FOXO3: variants seen among roughly 807,000 people sequenced by gnomAD.
FOXO3 encodes the protein forkhead box O3.
Under a neutral mutation model 41.9 loss-of-function variants are expected in FOXO3, and 4 were observed. The ratio of observed to expected loss-of-function variants is 0.10; its 90% CI spans 0.05 to 0.22. The LOEUF is 0.22. Ranked by LOEUF, FOXO3 falls within the 10% of genes least tolerant of loss-of-function variation. The pLI is 1.00. For missense variants in FOXO3, 534 were observed against 906.8 expected (o/e 0.59, Z 5.28); for synonymous variants, 318 against 389.3 (o/e 0.82, Z 2.16).
intron 1 of FOXO3, among the ~76,000 whole-genome samples, chr6:108,581,119 C>T (rs906753749): frequency 2.0e-5 from 3 of 152,214 alleles, no homozygotes; most frequent in African/African-American, 7.2e-5. Context: ...TGTTGAACAG[C>T]GACATCGTGC....
intron 1 of FOXO3, among the ~76,000 whole-genome samples, chr6:108,564,362 T>C (rs547094424): frequency 1.8e-4 from 27 of 152,360 alleles, no homozygotes; most frequent in African/African-American, 6.5e-4. Flanking sequence ...TTGTGACCCA[T>C]TTCCAAGTGT....
At chr6:108,581,074 TG>T (rs1182836697) in intron 1 of FOXO3, among the ~76,000 whole-genome samples, 15 of 152,222 alleles carry the variant, frequency 9.9e-5, no homozygotes, top group Non-Finnish European at 1.5e-5. Flanking sequence ...GCCCCTTCTG[TG>T]GAAGTTGAAG....
At chr6:108,618,247 C>G in intron 1 of FOXO3, 1 of 788,728 alleles carries the variant, frequency 1.3e-6, no homozygotes, top group South Asian at 1.3e-5. Flanking sequence ...TATGATTGTT[C>G]TTAGTCTTGA....
chr6:108,673,763 C>T (rs537200504), intron 2 of FOXO3, among the ~76,000 whole-genome samples: 1 of 152,248 alleles, frequency 6.6e-6, no homozygotes, highest in South Asian at 2.1e-4. Flanking sequence ...CCCCGCCCCC[C>T]ACATACACAC....
upstream of FOXO3, chr6:108,560,130 C>G (rs1441142116): frequency 6.6e-6 from 1 of 152,422 alleles, no homozygotes; most frequent in Non-Finnish European, 1.5e-5. Flanking sequence ...GCGCGCCCCC[C>G]TTCTCGCCCG....
At chr6:108,617,629 TTTTG>T (rs1046204992) in intron 1 of FOXO3, among the ~76,000 whole-genome samples, 14 of 152,196 alleles carry the variant, frequency 9.2e-5, no homozygotes, top group Non-Finnish European at 8.8e-5. Context: ...TTTATGGGTT[TTTTG>T]TTTGTTTGTT....
intron 1 of FOXO3, among the ~76,000 whole-genome samples, chr6:108,641,729 A>T (rs928015473): frequency 3.9e-5 from 6 of 152,102 alleles, no homozygotes; most frequent in Non-Finnish European, 7.4e-5. Context: ...CCCTTAAAAT[A>T]TAAGTATATG....
rs554779820 is a variant in FOXO3, at chr6:108,568,219, T to G, written c.621+6390T>G. 2.6e-5 allele frequency among the ~76,000 whole-genome samples: 4 copies of G among 151,258 alleles called. No homozygotes were observed. In the East Asian group the frequency reaches 7.8e-4, roughly 29 times the overall value. ...AGAGTGAGACCCTCTCTCTCTCTTT[T>G]TTTTTTTTTTTTAAAGCGTGTGTTC... On this transcript the variant is annotated intron_variant, in intron 1 of 2. Transcript: ENST00000406360.
chr6:108,569,404 G>T (rs183612349), intron 1 of FOXO3, among the ~76,000 whole-genome samples: 1 of 152,152 alleles, frequency 6.6e-6, no homozygotes, highest in African/African-American at 2.4e-5. Context: ...AAAGAACTAC[G>T]GTAGCTGGCA....
At chr6:108,663,012 A>G (rs1562262697) in intron 1 of FOXO3, among the ~76,000 whole-genome samples, 1 of 152,230 alleles carries the variant, frequency 6.6e-6, no homozygotes, top group Non-Finnish European at 1.5e-5. Flanking sequence ...AAAGAGGGTC[A>G]TGCATATATG....
At chr6:108,622,523 G>GT (rs1172396552) in intron 1 of FOXO3, among the ~76,000 whole-genome samples, 3 of 152,074 alleles carry the variant, frequency 2.0e-5, no homozygotes, top group African/African-American at 4.8e-5. Context: ...TGTTTTTGGT[G>GT]TTTTTTTGTT....
intron 1 of FOXO3, chr6:108,617,926 T>C (rs1777561420): frequency 4.6e-6 from 2 of 437,040 alleles, no homozygotes; most frequent in South Asian, 2.1e-5. Flanking sequence ...GGAACCAAAT[T>C]GCAGTTTTCT....
intron 1 of FOXO3, among the ~76,000 whole-genome samples, chr6:108,580,760 T>G (rs1263135584): frequency 6.6e-6 from 1 of 152,242 alleles, no homozygotes; most frequent in Non-Finnish European, 1.5e-5. Context: ...ATTGTAGATG[T>G]GTTCTACGTA....
At chr6:108,674,163 C>G (rs1211293750) in intron 2 of FOXO3, among the ~76,000 whole-genome samples, 1 of 152,118 alleles carries the variant, frequency 6.6e-6, no homozygotes, top group African/African-American at 2.4e-5. Context: ...AGGTCATATC[C>G]CACCAGGCAG....
chr6:108,665,482 T>C (rs1779023568), intron 2 of FOXO3, among the ~76,000 whole-genome samples: 1 of 152,222 alleles, frequency 6.6e-6, no homozygotes, highest in Non-Finnish European at 1.5e-5. Flanking sequence ...ATTCTTTATC[T>C]TAGTACTAAG....
At chr6:108,622,760 C>T (rs1273341013) in intron 1 of FOXO3, among the ~76,000 whole-genome samples, 1 of 151,924 alleles carries the variant, frequency 6.6e-6, no homozygotes, top group African/African-American at 2.4e-5. Context: ...AGTTGTCTTC[C>T]TCATTTACTC....
At chr6:108,674,247 G>A (rs1213521612) in intron 2 of FOXO3, among the ~76,000 whole-genome samples, 1 of 152,172 alleles carries the variant, frequency 6.6e-6, no homozygotes, top group African/African-American at 2.4e-5. Flanking sequence ...ATGAAAGGAT[G>A]CTGAGTGTTT....
Position 108,684,343 on chromosome 6 carries a change from A to G in FOXO3, c.*4551A>G, listed in dbSNP as rs979665222. 5 of 152,320 alleles carry G rather than the reference A, an allele frequency of 3.3e-5. No homozygotes were observed. The highest frequency in any genetic ancestry group is 1.2e-4 in the African/African-American group (5 of 41,454). The allele number at this position is 152,320 out of a possible 1,614,324, so 9.4% of individuals were successfully genotyped here. A position where few individuals can be genotyped will look rare whatever the true frequency, so the allele number is the denominator to read the frequency against. The stretch of plus-strand genomic sequence containing the variant: ...TAACTTTTTTTAAGAAAAAAGTTGC[A>G]TGAATGGAAAAAAAAATCTGTATAC... On this transcript the variant is annotated 3_prime_UTR_variant, in exon 3 of 3. Coordinates refer to ENST00000406360, the MANE Select transcript of FOXO3 (RefSeq NM_001455.4).
At chr6:108,634,832 A>G in intron 1 of FOXO3, among the ~76,000 whole-genome samples, 1 of 152,114 alleles carries the variant, frequency 6.6e-6, no homozygotes, top group East Asian at 1.9e-4. Flanking sequence ...AAGTTAAGCA[A>G]AAAATGCAAG....
Sources: allele counts gnomAD v4.1 joint callset (sites outside exome capture counted in the v4.1 genomes callset), GRCh38; gene constraint gnomAD v4.1.1; transcripts MANE v1.5; gene names NCBI Gene and HGNC (gene_info 2026-07-23, HGNC 2026-07-21).